Variants in ZC2HC1B observed in about 807,000 individuals in gnomAD.
ZC2HC1B encodes zinc finger C2HC-type containing 1B.
A neutral mutation model predicts 31.0 loss-of-function variants in ZC2HC1B; 36 were observed. The observed-to-expected ratio is 1.16, with a 90% confidence interval of 0.89 to 1.54. The LOEUF (loss-of-function observed/expected upper bound fraction) is 1.54. ZC2HC1B is among the 40% of genes most tolerant of loss of function. The pLI is 0.00. For missense variants in ZC2HC1B, 260 were observed against 268.6 expected (o/e 0.97, Z 0.22); for synonymous variants, 73 against 88.0 (o/e 0.83, Z 0.95).
chr6:143,928,334 A>G (rs1043106774), intron 6 of ZC2HC1B, among the ~76,000 whole-genome samples: 1 of 152,186 alleles, frequency 6.6e-6, no homozygotes, highest in Non-Finnish European at 1.5e-5. Context: ...GCATGTGGCT[A>G]TACAATTTTC....
Position 143,902,248 on chromosome 6 carries a change from G to A in ZC2HC1B, c.490-796G>A, listed in dbSNP as rs190699684. ...TCAAAAATGGAACAAGAAAGGAGGG[G>A]TTGTTTCAGTTTTGAAGGGCTGTTA... On this transcript the variant is annotated intron_variant, in intron 5 of 7. Transcript: ENST00000237275. 3.9e-4 allele frequency among the ~76,000 whole-genome samples: 59 copies of A among 152,318 alleles called. 1 individual carries two copies. The highest frequency in any genetic ancestry group is 7.2e-4 in the Admixed American group (11 of 15,302).
intron 6 of ZC2HC1B, among the ~76,000 whole-genome samples, chr6:143,930,625 C>A (rs576988450): frequency 1.3e-5 from 2 of 152,198 alleles, no homozygotes; most frequent in African/African-American, 4.8e-5. Flanking sequence ...GATCTGCCTG[C>A]CTCGGCCTCC....
chr6:143,903,143 A>G lies in ZC2HC1B; in HGVS notation c.589A>G (p.Thr197Ala), dbSNP rs1353662354. The G allele has an allele frequency of 1.9e-6, 3 of 1,552,034 alleles. No individual in the cohort carries two copies. The highest frequency in any genetic ancestry group is 1.4e-5 in the African/African-American group (1 of 73,042). Residue 197 changes from threonine (T) to alanine (A), a missense_variant, in exon 6 of 8, where the codon ACC becomes GCC. By Grantham distance (58) the Thr-to-Ala change is moderately conservative. Coordinates refer to ENST00000237275, the MANE Select transcript of ZC2HC1B (RefSeq NM_001013623.3). The surrounding 1 kb of genome is among the most constrained non-coding windows in gnomAD (Gnocchi z 4.3). ...CCTGGTGGCCACGAATGAAGTCCCAACCAAGTCAGGTGAGTCAAAGCACGC... is the reference window on the plus strand; with the variant it reads ...CCTGGTGGCCACGAATGAAGTCCCAGCCAAGTCAGGTGAGTCAAAGCACGC... The part of the protein sequence containing the change: ...RVLVATNEVP[T>A]KSGLAMDPAS...
rs1420175422 is a variant in ZC2HC1B, at chr6:143,883,484, AG to A, written c.29-819del. 1.2e-4 allele frequency among the ~76,000 whole-genome samples: 19 copies of A among 152,336 alleles called. No individual in the cohort carries two copies. The highest frequency in any genetic ancestry group is 4.3e-4 in the African/African-American group (18 of 41,572). On this transcript the variant is annotated intron_variant, in intron 1 of 7. Transcript: ENST00000237275. The surrounding 1 kb of genome is among the most constrained non-coding windows in gnomAD (Gnocchi z 4.1). ...CCCTTGTTGCTTTCTTTGCATGTAG[AG>A]TAAAGCCCAGATGACTGGTCTAATA...
intron 6 of ZC2HC1B, among the ~76,000 whole-genome samples, chr6:143,912,033 T>A (rs1349745067): frequency 6.6e-6 from 1 of 152,218 alleles, no homozygotes; most frequent in African/African-American, 2.4e-5. Context: ...AGCTCTGAGA[T>A]TCTTTCTTCC....
intron 1 of ZC2HC1B, among the ~76,000 whole-genome samples, chr6:143,877,511 A>G (rs61277325): frequency 0.15 from 21,674 of 148,640 alleles, 3,024 homozygotes; most frequent in African/African-American, 0.3. Context: ...TCAAACTACC[A>G]ACCTCGGGTG....
intron 6 of ZC2HC1B, among the ~76,000 whole-genome samples, chr6:143,910,114 C>G (rs976686583): frequency 6.6e-6 from 1 of 152,136 alleles, no homozygotes; most frequent in Non-Finnish European, 1.5e-5. Flanking sequence ...TATCTTTGTT[C>G]TCATTAATTT....
chr6:143,891,853 T>C (rs1335788219), intron 4 of ZC2HC1B, among the ~76,000 whole-genome samples: 2 of 151,840 alleles, frequency 1.3e-5, no homozygotes, highest in East Asian at 1.9e-4. Flanking sequence ...ATTATAACAG[T>C]ACAGTGATCA....
chr6:143,925,216 C>T (rs1778021140), intron 6 of ZC2HC1B, among the ~76,000 whole-genome samples: 2 of 140,224 alleles, frequency 1.4e-5, no homozygotes, highest in Admixed American at 1.5e-4. Flanking sequence ...CACTCTGTCG[C>T]CCAGGCTGGA....
At position 143,868,518 on chromosome 6, in the gene ZC2HC1B, T is replaced by A. The variant is rs1044477930; in HGVS notation, c.28+3951T>A. On this transcript the variant is annotated intron_variant, in intron 1 of 7. Transcript: ENST00000237275. This position sits in a 1 kb window ranked among gnomAD's most constrained non-coding sequence, Gnocchi z 4.2. ...CGATCTGCGCTGGCAGGTGACTAGG[T>A]GGTGCCCACCCAGATTAAGGATGAG... Among the ~76,000 whole-genome samples, 1 of 152,120 alleles carries A rather than the reference T, an allele frequency of 6.6e-6. No individual in the cohort carries two copies. The highest frequency in any genetic ancestry group is 6.5e-5 in the Admixed American group (1 of 15,272).
intron 1 of ZC2HC1B, among the ~76,000 whole-genome samples, chr6:143,880,531 A>T (rs546450613): frequency 6.6e-6 from 1 of 152,222 alleles, no homozygotes; most frequent in South Asian, 2.1e-4. Context: ...ATATTTTTCC[A>T]TGTTATTCTC....
chr6:143,902,926 T>A (rs1582964753), intron 5 of ZC2HC1B, 118 bp from the exon 6 acceptor site: 2 of 841,704 alleles, frequency 2.4e-6, no homozygotes, highest in Non-Finnish European at 3.7e-6. Context: ...ATTCAGGGAG[T>A]CCCTGCAGAT....
chr6:143,926,686 C>G (rs909026510), intron 6 of ZC2HC1B, among the ~76,000 whole-genome samples: 18 of 151,948 alleles, frequency 1.2e-4, no homozygotes, highest in East Asian at 1.9e-4. Flanking sequence ...TCTTGACGAT[C>G]TGTCTAATAT....
intron 5 of ZC2HC1B, among the ~76,000 whole-genome samples, chr6:143,898,943 C>T (rs1209358324): frequency 6.6e-6 from 1 of 152,200 alleles, no homozygotes; most frequent in Admixed American, 6.5e-5. Flanking sequence ...GACTTGAATA[C>T]ATAGTGTTTC....
At chr6:143,930,381 CTT>C (rs34308015) in intron 6 of ZC2HC1B, among the ~76,000 whole-genome samples, 32,748 of 110,992 alleles carry the variant, frequency 0.3, 4,259 homozygotes, top group South Asian at 0.35. Flanking sequence ...TTGAGAGTTT[CTT>C]TTTTTTTTTT....
rs958001925 is a variant in ZC2HC1B, at chr6:143,887,030, C to G, written c.349+209C>G. ...TCTCAACGTGGGAACACCACTGTAG[C>G]TGTGCTGTAGTATTACATGACTCCA... On this transcript the variant is annotated intron_variant, in intron 4 of 7. Coordinates refer to ENST00000237275, the MANE Select transcript of ZC2HC1B (RefSeq NM_001013623.3). The surrounding 1 kb of genome is among the most constrained non-coding windows in gnomAD (Gnocchi z 5.1). Among the ~76,000 whole-genome samples, 6 of 152,150 alleles carry G rather than the reference C, an allele frequency of 3.9e-5. No homozygotes were observed. Among genetic ancestry groups the G allele is most frequent in the African/African-American group, 1.4e-4 (6 of 41,434 alleles).
chr6:143,924,501 G>T lies in ZC2HC1B; in HGVS notation c.599-13148G>T, dbSNP rs1341853036. 1.3e-5 allele frequency among the ~76,000 whole-genome samples: 2 copies of T among 151,936 alleles called. No individual in the cohort carries two copies. The highest frequency in any genetic ancestry group is 2.4e-5 in the African/African-American group (1 of 41,342). ...TTATTTCTCTTGCCTGATTGCTCTG[G>T]CAAGGACTTCCAGTACTATGTTGAA... On this transcript the variant is annotated intron_variant, in intron 6 of 7. Coordinates refer to ENST00000237275, the MANE Select transcript of ZC2HC1B (RefSeq NM_001013623.3). This position sits in a 1 kb window ranked among gnomAD's most constrained non-coding sequence, Gnocchi z 5.2.
intron 6 of ZC2HC1B, among the ~76,000 whole-genome samples, chr6:143,914,579 C>A (rs1777895981): frequency 6.6e-6 from 1 of 152,058 alleles, no homozygotes; most frequent in Non-Finnish European, 1.5e-5. Flanking sequence ...TCTGTTAGAT[C>A]TAGTTGGTTT....
intron 5 of ZC2HC1B, among the ~76,000 whole-genome samples, chr6:143,900,406 GAAAA>G (rs1290754246): frequency 1.4e-5 from 2 of 144,024 alleles, no homozygotes; most frequent in African/African-American, 2.5e-5. Context: ...AAAAAAAAAA[GAAAA>G]AGAAAAGAAA....
Sources: allele counts gnomAD v4.1 joint callset (sites outside exome capture counted in the v4.1 genomes callset), GRCh38; gene constraint gnomAD v4.1.1; non-coding constraint Gnocchi (gnomAD v3.1); transcripts MANE v1.5; gene names NCBI Gene and HGNC (gene_info 2026-07-23, HGNC 2026-07-21).